The following DNAH3 variants were observed in gnomAD, a reference collection of about 807,000 sequenced individuals.
DNAH3 encodes the protein dynein axonemal heavy chain 3.
A neutral mutation model predicts 432.5 loss-of-function variants in DNAH3; 332 were observed. The observed-to-expected ratio is 0.77, with a 90% confidence interval of 0.70 to 0.84. DNAH3 has a LOEUF of 0.84. DNAH3 is among the 40% of genes least tolerant of loss of function. DNAH3 has a pLI of 0.00. For synonymous variants in DNAH3, 1,956 were observed against 1,900.2 expected (o/e 1.03, Z -0.76); for missense variants, 4,861 against 5,114.0 (o/e 0.95, Z 1.51).
exon 6 of DNAH3, chr16:21,136,393 CCAGGAAGGGACTCGT>C: frequency 6.2e-7 from 1 of 1,614,028 alleles, no homozygotes; most frequent in Non-Finnish European, 8.5e-7. Flanking sequence ...ATCAGGGGCT[CCAGGAAGGGACTCGT>C]CAGCAGCGTG....
chr16:21,100,056 T>C (rs1567790343), intron 16 of DNAH3, among the ~76,000 whole-genome samples: 1 of 152,200 alleles, frequency 6.6e-6, no homozygotes, highest in Admixed American at 6.5e-5. Context: ...TTCTTAAACA[T>C]GATTTAGAGA....
intron 44 of DNAH3, among the ~76,000 whole-genome samples, chr16:20,988,518 G>C (rs950274038): frequency 6.6e-6 from 1 of 152,196 alleles, no homozygotes; most frequent in African/African-American, 2.4e-5. Context: ...GGGCTCAAGA[G>C]ATTCTCCAGC....
intron 41 of DNAH3, among the ~76,000 whole-genome samples, chr16:21,012,117 G>A (rs2087630715): frequency 6.6e-6 from 1 of 152,000 alleles, no homozygotes; most frequent in African/African-American, 2.4e-5. Flanking sequence ...AAGATACAAA[G>A]GCAGAATTAA....
chr16:21,145,809 T>C (rs1336167994), intron 2 of DNAH3, among the ~76,000 whole-genome samples, 175 bp downstream of exon 3: 2 of 152,216 alleles, frequency 1.3e-5, no homozygotes, highest in South Asian at 2.1e-4. Context: ...TAGCTCTCTC[T>C]CCCACACTTC....
At chr16:21,104,590 C>T in intron 15 of DNAH3, 1 of 1,566,548 alleles carries the variant, frequency 6.4e-7, no homozygotes, top group Non-Finnish European at 8.8e-7. Flanking sequence ...ATTTGATGTC[C>T]TCATCTGCAA....
At chr16:21,098,915 TTCTC>T (rs146692638) in intron 16 of DNAH3, 146 bp from the exon 17 acceptor site, 7 of 781,084 alleles carry the variant, frequency 9.0e-6, no homozygotes, top group Non-Finnish European at 1.4e-5. Flanking sequence ...AACTCCATCT[TTCTC>T]TCTCTCTCTC....
At chr16:21,050,507 C>T (rs2089910441) in intron 29 of DNAH3, among the ~76,000 whole-genome samples, 1 of 152,174 alleles carries the variant, frequency 6.6e-6, no homozygotes, top group Admixed American at 6.5e-5. Flanking sequence ...GGCATGGTCA[C>T]AGCTCACTGC....
chr16:21,109,768 T>C (rs1198500214), intron 14 of DNAH3, among the ~76,000 whole-genome samples: 4 of 151,488 alleles, frequency 2.6e-5, no homozygotes, highest in African/African-American at 7.3e-5. Flanking sequence ...AGACAGAGTC[T>C]TATTCTGATG....
Position 21,048,719 on chromosome 16 carries a change from A to T in DNAH3, c.4461+850T>A, listed in dbSNP as rs12927606. ...CTCCTCCCTCCTTTTTTTTTTTTTT[A>T]AACAGAGTTTCACTCCCAGCCTGGA... On this transcript the variant is annotated intron_variant, in intron 31 of 61. Coordinates refer to ENST00000261383, the Ensembl canonical transcript of DNAH3. Among the ~76,000 whole-genome samples the T allele has an allele frequency of 3.6e-3, 535 of 147,688 alleles. 3 individuals are homozygous for T. Among genetic ancestry groups the T allele is most frequent in the Non-Finnish European group, 6.1e-3 (410 of 66,906 alleles).
chr16:21,017,348 A>C (rs1363589425), intron 41 of DNAH3, among the ~76,000 whole-genome samples: 2 of 152,140 alleles, frequency 1.3e-5, no homozygotes, highest in African/African-American at 4.8e-5. Flanking sequence ...CAAGCAGGGA[A>C]TCACTTAGGG....
intron 31 of DNAH3, among the ~76,000 whole-genome samples, chr16:21,046,175 T>C (rs1355931272): frequency 6.6e-5 from 9 of 135,504 alleles, no homozygotes; most frequent in Non-Finnish European, 1.3e-4. Context: ...GAGAGTTCTG[T>C]AGATGTCTAT....
intron 16 of DNAH3, among the ~76,000 whole-genome samples, chr16:21,103,528 A>T (rs2152798374): frequency 6.6e-6 from 1 of 152,246 alleles, no homozygotes. Context: ...ATCCAGGTGG[A>T]GGCAGGAAAA....
At chr16:21,145,314 T>C (rs951684458) in exon 3 of DNAH3, 72 of 1,613,992 alleles carry the variant, frequency 4.5e-5, no homozygotes, top group Non-Finnish European at 5.6e-5. Context: ...AATCACTGGG[T>C]CCACGGTGGT....
intron 8 of DNAH3, among the ~76,000 whole-genome samples, chr16:21,126,406 A>G (rs1439746924): frequency 6.6e-6 from 1 of 152,086 alleles, no homozygotes; most frequent in Non-Finnish European, 1.5e-5. Flanking sequence ...TAGCATCTAC[A>G]TTTTCTCTGC....
chr16:21,075,715 C>A (rs1410602841), intron 20 of DNAH3, among the ~76,000 whole-genome samples, 154 bp from the exon 21 acceptor site: 1 of 151,794 alleles, frequency 6.6e-6, no homozygotes, highest in African/African-American at 2.4e-5. Context: ...GAGTTCGAGA[C>A]CAGCCTGGGC....
intron 53 of DNAH3, 50 bp from the exon 54 acceptor site, chr16:20,959,454 A>G (rs761493530): frequency 8.3e-6 from 13 of 1,565,598 alleles, no homozygotes; most frequent in Non-Finnish European, 1.1e-5. Flanking sequence ...GCCAGCTAAC[A>G]GTAACAGAAC....
rs2087941982 is a variant in DNAH3, at chr16:21,017,892, T to C, written c.6022+1732A>G. The stretch of plus-strand genomic sequence containing the variant: ...AAACATACAGAAACATGGAAGACAT[T>C]GTACAGTGAACATTTGTATACTCAC... On this transcript the variant is annotated intron_variant, in intron 41 of 61. Coordinates refer to ENST00000261383, the Ensembl canonical transcript of DNAH3. Among the ~76,000 whole-genome samples the C allele has an allele frequency of 2.0e-5, 3 of 152,136 alleles. No homozygotes were observed. The South Asian group carries it at 6.2e-4, about 32-fold the overall frequency.
intron 20 of DNAH3, among the ~76,000 whole-genome samples, chr16:21,079,296 G>A (rs936668628): frequency 2.0e-5 from 3 of 152,132 alleles, no homozygotes; most frequent in African/African-American, 4.8e-5. Flanking sequence ...ATATTAGGAC[G>A]GTAGGACCTA....
intron 5 of DNAH3, among the ~76,000 whole-genome samples, chr16:21,139,924 C>T (rs1007092519): frequency 4.0e-5 from 6 of 151,690 alleles, no homozygotes; most frequent in Admixed American, 6.6e-5. Context: ...AAATTACAGG[C>T]GCCTGCCACC....
Sources: gnomAD v4.1 joint callset for allele counts (sites outside exome capture counted in the v4.1 genomes callset) on GRCh38, gnomAD v4.1.1 for gene constraint, MANE v1.5 for transcripts, NCBI Gene and HGNC (gene_info 2026-07-23, HGNC 2026-07-21) for gene names.